The following LRRCC1 variants were observed in gnomAD, a reference collection of about 807,000 sequenced individuals.
LRRCC1 encodes the protein leucine-rich repeat and coiled-coil domain-containing protein 1.
Under a neutral mutation model 126.0 loss-of-function variants are expected in LRRCC1, and 115 were observed. The observed-to-expected ratio is 0.91, with a 90% CI of 0.78 to 1.07. The LOEUF is 1.07. LRRCC1 is among the 50% of genes least tolerant of loss of function. The pLI, the probability that LRRCC1 is intolerant of heterozygous loss-of-function variation, is 0.00. For synonymous variants in LRRCC1, 400 were observed against 393.4 expected (o/e 1.02, Z -0.20); for missense variants, 1,172 against 1,175.7 (o/e 1.00, Z 0.05).
chr8:85,145,622 T>C lies in LRRCC1; in HGVS notation c.*111T>C. ...ACTTTGAAATGTCTCTTTCTATACATTTCATTATGAATATATTTTTAAAGA... is the reference window on the plus strand; with the variant it reads ...ACTTTGAAATGTCTCTTTCTATACACTTCATTATGAATATATTTTTAAAGA... On this transcript the variant is annotated 3_prime_UTR_variant, in exon 19 of 19. Coordinates refer to ENST00000360375, the MANE Select transcript of LRRCC1 (RefSeq NM_033402.5). 1 of 811,224 alleles carries C rather than the reference T, an allele frequency of 1.2e-6. No individual in the cohort carries two copies. The highest frequency in any genetic ancestry group is 1.8e-6 in the Non-Finnish European group (1 of 544,876). The allele number at this position is 811,224 out of a possible 1,614,324, so 50.3% of individuals were successfully genotyped here.
Position 85,122,858 on chromosome 8 carries a change from G to C in LRRCC1, c.931-555G>C, listed in dbSNP as rs550755946. ...TCCTTCAAAGAGTGTTGACATTTTT[G>C]TTTTAGTAAGCATTTAACTTGGTTT... On this transcript the variant is annotated intron_variant, in intron 6 of 18. Transcript: ENST00000360375. Among the ~76,000 whole-genome samples, 4 of 152,242 alleles carry C rather than the reference G, an allele frequency of 2.6e-5. No homozygotes were observed. In the South Asian group the frequency reaches 8.3e-4, roughly 32 times the overall value.
chr8:85,134,955 A>G lies in LRRCC1; in HGVS notation c.2077A>G (p.Thr693Ala). The change falls in exon 13 of 19, where the codon ACC (threonine) becomes GCC (alanine). Residue 693 changes from threonine to alanine, a missense_variant. Transcript: ENST00000360375. Reference protein sequence around the residue: ...NESSSLIKDLTCMVKEQKTKL... With the variant: ...NESSSLIKDLACMVKEQKTKL... ...GTCTTCCTCTTTAATTAAAGATCTG[A>G]CCTGTATGGTAAAGGAACAAAAAAC... 1.3e-6 allele frequency: 2 copies of G among 1,586,132 alleles called. No individual in the cohort carries two copies. The highest frequency in any genetic ancestry group is 1.7e-6 in the Non-Finnish European group (2 of 1,173,652).
At chr8:85,140,014 T>A (rs557207526) in intron 17 of LRRCC1, among the ~76,000 whole-genome samples, 1 of 152,336 alleles carries the variant, frequency 6.6e-6, no homozygotes, top group African/African-American at 2.4e-5. Context: ...TGCAATTTTT[T>A]ATCCTGCCAG....
chr8:85,129,085 C>A (rs1052815220), intron 9 of LRRCC1, 90 bp from the exon 10 acceptor site: 2 of 914,550 alleles, frequency 2.2e-6, no homozygotes, highest in Non-Finnish European at 1.7e-6. Flanking sequence ...CAAAGGAAGA[C>A]CAGTTCAGAG....
chr8:85,109,533 AATTTTAGTT>A (rs1289439714), intron 1 of LRRCC1, 53 bp from the exon 2 acceptor site: 2 of 952,246 alleles, frequency 2.1e-6, no homozygotes, highest in Admixed American at 4.8e-5. Flanking sequence ...CTGTTTGGTT[AATTTTAGTT>A]ATTTGGTCAT....
At chr8:85,141,934 A>G (rs920823269) in intron 18 of LRRCC1, among the ~76,000 whole-genome samples, 65 of 152,216 alleles carry the variant, frequency 4.3e-4, no homozygotes, top group African/African-American at 1.5e-3. Flanking sequence ...TATTATTAAT[A>G]AAGTAATGAG....
At chr8:85,122,204 A>C (rs1445248899) in intron 6 of LRRCC1, among the ~76,000 whole-genome samples, 1 of 152,124 alleles carries the variant, frequency 6.6e-6, no homozygotes, top group Non-Finnish European at 1.5e-5. Context: ...CTCTTTGTTT[A>C]CAGCAGTTTG....
At position 85,123,492 on chromosome 8, in the gene LRRCC1, A is replaced by G. The variant is rs752440993; in HGVS notation, c.1010A>G (p.Tyr337Cys). The G allele has an allele frequency of 3.7e-6, 6 of 1,611,512 alleles. No homozygotes were observed. The highest frequency in any genetic ancestry group is 1.1e-5 in the South Asian group (1 of 90,686). ...RDTDITSESD[Y>C]GNRKECNRKV... ...ACAGATATAACTTCTGAAAGTGACTATGGAAACAGAAAAGAATGCAATAGA... is the reference window on the plus strand; with the variant it reads ...ACAGATATAACTTCTGAAAGTGACTGTGGAAACAGAAAAGAATGCAATAGA... The change falls in exon 7 of 19, where the codon TAT becomes TGT. Residue 337 changes from tyrosine to cysteine, a missense_variant. Tyr to Cys is a radical substitution (Grantham distance 194). Coordinates refer to ENST00000360375, the MANE Select transcript of LRRCC1 (RefSeq NM_033402.5).
Position 85,109,651 on chromosome 8 carries a change from A to T in LRRCC1, c.161A>T (p.Asn54Ile). ...CATGCCGTCAATCTTCATTGCAATA[A>T]CATCTCCAAGATCGAAGCCATTGAT... Reference protein sequence around the residue: ...TLHAVNLHCNNISKIEAIDHI... With the variant: ...TLHAVNLHCNIISKIEAIDHI... The change falls in exon 2 of 19, where the codon AAC becomes ATC. Residue 54 changes from asparagine (N) to isoleucine (I), a missense_variant. Coordinates refer to ENST00000360375, the MANE Select transcript of LRRCC1 (RefSeq NM_033402.5). 1 of 1,612,000 alleles carries T rather than the reference A, an allele frequency of 6.2e-7. No individual in the cohort carries two copies. The highest frequency in any genetic ancestry group is 8.5e-7 in the Non-Finnish European group (1 of 1,178,486).
At chr8:85,132,550 G>C (rs932303876) in intron 12 of LRRCC1, among the ~76,000 whole-genome samples, 1 of 151,878 alleles carries the variant, frequency 6.6e-6, no homozygotes, top group Admixed American at 6.6e-5. Flanking sequence ...AGGCCACCAC[G>C]CCCGCCTAAT....
intron 4 of LRRCC1, among the ~76,000 whole-genome samples, chr8:85,114,539 T>C (rs558590027): frequency 6.6e-6 from 1 of 152,210 alleles, no homozygotes; most frequent in African/African-American, 2.4e-5. Flanking sequence ...CAAATGAATG[T>C]TAATTTGTCA....
intron 2 of LRRCC1, 66 bp from the exon 3 acceptor site, chr8:85,110,049 T>C: frequency 1.4e-6 from 1 of 703,308 alleles, no homozygotes; most frequent in Non-Finnish European, 2.3e-6. Context: ...ATTGTAATGC[T>C]ATATCTCTGT....
At chr8:85,116,640 G>T (rs1809147540) in intron 6 of LRRCC1, among the ~76,000 whole-genome samples, 1 of 152,042 alleles carries the variant, frequency 6.6e-6, no homozygotes, top group Admixed American at 6.6e-5. Flanking sequence ...TCCTAAAATA[G>T]TGAGATTACA....
At chr8:85,125,691 A>AAAAAAAAG (rs1809937820) in intron 8 of LRRCC1, among the ~76,000 whole-genome samples, 2 of 144,716 alleles carry the variant, frequency 1.4e-5, no homozygotes, top group African/African-American at 2.6e-5. Flanking sequence ...AAAAAAAAAG[A>AAAAAAAAG]GGTGTTCAAA....
In LRRCC1 at chr8:85,141,483, A is replaced by G; in HGVS notation, c.2942A>G (p.Glu981Gly). The change falls in exon 18 of 19, where the codon GAA becomes GGA. Residue 981 changes from glutamate (E) to glycine (G), a missense_variant. Glu to Gly is a moderately conservative substitution (Grantham distance 98). Transcript: ENST00000360375. ...GCTGAAATAGCACAGCTGGCCAATG[A>G]AAAGCAGAAGTGTATTGATTCTGCA... ...HQAEIAQLAN[E>G]KQKCIDSANL... The G allele has an allele frequency of 6.2e-7, 1 of 1,612,818 alleles. No homozygotes were observed. Among genetic ancestry groups the G allele is most frequent in the South Asian group, 1.1e-5 (1 of 90,916 alleles).
rs749037750 is a variant in LRRCC1, at chr8:85,124,934, T to TA, written c.1268dup (p.Tyr423Ter). ...VDQSHSEDNT[Y>*]QSLVEQLDQE... Reference sequence around the variant, plus strand: ...CCAAAGTCACTCAGAAGACAACACTTACCAGGTATGATTTAAGAGTTAAAG... The same window carrying TA: ...CCAAAGTCACTCAGAAGACAACACTTAACCAGGTATGATTTAAGAGTTAAAG... Residue 423 changes from tyrosine (Y) to a stop codon, truncating the protein, a stop_gained and frameshift_variant, in exon 8 of 19, where the codon TAC (tyrosine) becomes TAAC (stop). Coordinates refer to ENST00000360375, the MANE Select transcript of LRRCC1 (RefSeq NM_033402.5). LOFTEE classifies it high-confidence loss of function. The TA allele has an allele frequency of 1.3e-6, 2 of 1,587,936 alleles. No individual in the cohort carries two copies. The highest frequency in any genetic ancestry group is 1.9e-5 in the Admixed American group (1 of 53,714).
intron 6 of LRRCC1, among the ~76,000 whole-genome samples, chr8:85,117,282 A>C (rs988210379): frequency 6.6e-6 from 1 of 152,168 alleles, no homozygotes; most frequent in Non-Finnish European, 1.5e-5. Context: ...TGTCCAATCA[A>C]ATTCTTCAAC....
chr8:85,130,031 T>C lies in LRRCC1; in HGVS notation c.1739T>C (p.Leu580Pro). Residue 580 changes from leucine to proline, a missense_variant, in exon 11 of 19, where the codon CTT (leucine) becomes CCT (proline). Coordinates refer to ENST00000360375, the MANE Select transcript of LRRCC1 (RefSeq NM_033402.5). ...EREQAQQLHQLLALKEQEHRK... is the reference protein window; with the variant it reads ...EREQAQQLHQPLALKEQEHRK... Reference sequence around the variant, plus strand: ...GAACAAGCGCAACAACTTCATCAACTTCTTGCATTGAAAGAACAGGAACAC... The same window carrying C: ...GAACAAGCGCAACAACTTCATCAACCTCTTGCATTGAAAGAACAGGAACAC... The C allele has an allele frequency of 6.3e-7, 1 of 1,595,782 alleles. No homozygotes were observed. Among genetic ancestry groups the C allele is most frequent in the East Asian group, 2.3e-5 (1 of 43,398 alleles).
chr8:85,129,452 T>C, intron 10 of LRRCC1, 73 bp downstream of exon 10: 1 of 1,284,362 alleles, frequency 7.8e-7, no homozygotes. Flanking sequence ...AAACAAATTA[T>C]ACTACCTAGA....
Sources: gnomAD v4.1 joint callset for allele counts (sites outside exome capture counted in the v4.1 genomes callset) on GRCh38, gnomAD v4.1.1 for gene constraint, MANE v1.5 for transcripts, NCBI Gene and HGNC (gene_info 2026-07-23, HGNC 2026-07-21) for gene names.